SNAP25: variants seen among roughly 807,000 people sequenced by gnomAD.
SNAP25 encodes the protein synaptosomal-associated protein 25.
A neutral mutation model predicts 28.7 loss-of-function variants in SNAP25; 3 were observed. That is an observed-to-expected ratio of 0.10 (90% CI 0.05 to 0.27). The LOEUF (loss-of-function observed/expected upper bound fraction) is 0.27, where lower values mean the gene tolerates loss of function less well. Ranked by LOEUF, SNAP25 falls within the 10% of genes least tolerant of loss-of-function variation. The pLI is 1.00. For synonymous variants in SNAP25, 61 were observed against 88.1 expected, an observed-to-expected ratio of 0.69 and a Z score of 1.72; for missense variants, 117 against 278.7, an observed-to-expected ratio of 0.42 and a Z score of 4.13.
At position 10,245,666 on chromosome 20, in the gene SNAP25, C is replaced by T. The variant is rs189071589; in HGVS notation, c.-64+26689C>T. ...CAGAATTCAACTACAAACTTCTGGG[C>T]GACAGAAATGCTATCTTCATCTTAT... On this transcript the variant is annotated intron_variant, in intron 1 of 7. Transcript: ENST00000254976. Among the ~76,000 whole-genome samples, 152 of 151,248 alleles carry T rather than the reference C, an allele frequency of 1.0e-3. 1 individual carries two copies. The highest frequency in any genetic ancestry group is 3.4e-3 in the African/African-American group (138 of 40,954).
chr20:10,248,691 A>G (rs1276318292), intron 1 of SNAP25, among the ~76,000 whole-genome samples: 1 of 152,212 alleles, frequency 6.6e-6, no homozygotes, highest in African/African-American at 2.4e-5. Flanking sequence ...TAGAGCCAGC[A>G]TTCAAAGTAG....
intron 4 of SNAP25, among the ~76,000 whole-genome samples, chr20:10,292,130 T>C (rs1481371298): frequency 6.6e-6 from 1 of 152,190 alleles, no homozygotes; most frequent in Non-Finnish European, 1.5e-5. Flanking sequence ...GCTCTCTGCC[T>C]GGGCTTGGAG....
intron 4 of SNAP25, among the ~76,000 whole-genome samples, chr20:10,288,786 A>G (rs1468411086): frequency 6.6e-6 from 1 of 151,862 alleles, no homozygotes; most frequent in South Asian, 2.1e-4. Flanking sequence ...CTTAAATGGT[A>G]CACATTTCAT....
intron 3 of SNAP25, chr20:10,277,973 A>T (rs113879423): frequency 2.7e-4 from 98 of 358,694 alleles, no homozygotes; most frequent in African/African-American, 2.0e-3. Flanking sequence ...GAATAATAGA[A>T]TTTCCAAGTC....
At chr20:10,224,265 T>TTTTTTTTTTTTTTTTA (rs2062692018) in intron 1 of SNAP25, among the ~76,000 whole-genome samples, 1 of 113,730 alleles carries the variant, frequency 8.8e-6, no homozygotes, top group Non-Finnish European at 1.8e-5. Flanking sequence ...GTCTTTTTTT[T>TTTTTTTTTTTTTTTTA]TTTTTTTTTT....
At chr20:10,280,062 C>A (rs1255193475) in intron 3 of SNAP25, among the ~76,000 whole-genome samples, 1 of 152,184 alleles carries the variant, frequency 6.6e-6, no homozygotes, top group Non-Finnish European at 1.5e-5. Context: ...TACTCATGAT[C>A]CCAAGGTTTG....
intron 1 of SNAP25, among the ~76,000 whole-genome samples, chr20:10,240,923 C>T (rs2063017007): frequency 6.6e-6 from 1 of 152,150 alleles, no homozygotes; most frequent in Admixed American, 6.5e-5. Context: ...TCAATTGCTC[C>T]GTGGAGCCAG....
intron 7 of SNAP25, among the ~76,000 whole-genome samples, chr20:10,300,248 T>C (rs896244986): frequency 1.2e-4 from 18 of 152,214 alleles, no homozygotes; most frequent in African/African-American, 4.3e-4. Context: ...AACGTTCCTA[T>C]AAAGAGACCT....
At chr20:10,237,466 A>C (rs77458368) in intron 1 of SNAP25, among the ~76,000 whole-genome samples, 2,259 of 152,294 alleles carry the variant, frequency 0.015, 17 homozygotes, top group Non-Finnish European at 0.021. Flanking sequence ...GGCGAGTGCC[A>C]AGGGTATATG....
intron 1 of SNAP25, among the ~76,000 whole-genome samples, chr20:10,253,955 T>A (rs1292649176): frequency 1.3e-5 from 2 of 152,054 alleles, no homozygotes; most frequent in Non-Finnish European, 2.9e-5. Context: ...GGATGTGCCC[T>A]CCTCCTCCCA....
chr20:10,278,710 G>A (rs1401790992), intron 3 of SNAP25, among the ~76,000 whole-genome samples: 1 of 152,014 alleles, frequency 6.6e-6, no homozygotes, highest in Non-Finnish European at 1.5e-5. Context: ...AATTTCATAT[G>A]CAACAACTTG....
chr20:10,287,994 C>T (rs2063917641), intron 4 of SNAP25, among the ~76,000 whole-genome samples: 1 of 151,092 alleles, frequency 6.6e-6, no homozygotes, highest in South Asian at 2.1e-4. Context: ...GAACATCACA[C>T]TCTGGGGACT....
intron 3 of SNAP25, among the ~76,000 whole-genome samples, chr20:10,281,974 A>G (rs1401535868): frequency 6.6e-6 from 1 of 152,200 alleles, no homozygotes; most frequent in Non-Finnish European, 1.5e-5. Context: ...CACTAGCATT[A>G]TGAAGATAGG....
chr20:10,235,201 C>T (rs1255673295), intron 1 of SNAP25, among the ~76,000 whole-genome samples: 2 of 152,086 alleles, frequency 1.3e-5, no homozygotes, highest in African/African-American at 4.8e-5. Flanking sequence ...TCACTGCACT[C>T]CAGCCTGGGC....
At chr20:10,231,525 G>A (rs2062828652) in intron 1 of SNAP25, 1 of 152,216 alleles carries the variant, frequency 6.6e-6, no homozygotes, top group African/African-American at 2.4e-5. Context: ...CTCTGGTGCA[G>A]GTCCAATCTC....
intron 1 of SNAP25, among the ~76,000 whole-genome samples, chr20:10,232,244 T>C (rs1156711150): frequency 1.3e-5 from 2 of 151,374 alleles, no homozygotes; most frequent in Non-Finnish European, 3.0e-5. Flanking sequence ...GAACTGACAA[T>C]TGTTGTCTGT....
intron 1 of SNAP25, among the ~76,000 whole-genome samples, chr20:10,231,813 A>G (rs1399867610): frequency 7.2e-5 from 11 of 152,232 alleles, no homozygotes; most frequent in African/African-American, 2.7e-4. Flanking sequence ...GGGATGCTCA[A>G]CTGGTAAACA....
At chr20:10,295,920 A>C (rs2064098570) in intron 5 of SNAP25, among the ~76,000 whole-genome samples, 1 of 152,152 alleles carries the variant, frequency 6.6e-6, no homozygotes, top group Non-Finnish European at 1.5e-5. Context: ...ACCAGCATTA[A>C]ACCACTCTCC....
At chr20:10,240,675 G>A (rs983793662) in intron 1 of SNAP25, among the ~76,000 whole-genome samples, 16 of 152,148 alleles carry the variant, frequency 1.1e-4, no homozygotes, top group African/African-American at 2.9e-4. Flanking sequence ...CCTTCCAAAC[G>A]AACATTTCTT....
Sources: gnomAD v4.1 joint callset for allele counts (sites outside exome capture counted in the v4.1 genomes callset) on GRCh38, gnomAD v4.1.1 for gene constraint, MANE v1.5 for transcripts, NCBI Gene and HGNC (gene_info 2026-07-23, HGNC 2026-07-21) for gene names.